CHKA: variants seen among roughly 807,000 people sequenced by gnomAD.
CHKA encodes CHETK-alpha.
In CHKA, 34 loss-of-function variants were observed where a neutral mutation model predicts 60.1. The observed-to-expected ratio is 0.57, with a 90% CI of 0.43 to 0.75. The LOEUF is 0.75. Among genes scored for constraint, CHKA ranks in the 30% least tolerant of loss-of-function variants. The pLI is 0.00. For synonymous variants in CHKA, 217 were observed against 223.1 expected (o/e 0.97, Z 0.24); for missense variants, 563 against 561.3 (o/e 1.00, Z -0.03).
chr11:68,075,231 T>C (rs955690246), intron 3 of CHKA, among the ~76,000 whole-genome samples: 9 of 151,972 alleles, frequency 5.9e-5, no homozygotes, highest in African/African-American at 2.2e-4. Flanking sequence ...TTTGGTTGAG[T>C]GTGTCTAGTT....
intron 1 of CHKA, among the ~76,000 whole-genome samples, chr11:68,105,673 A>C (rs1381298629): frequency 6.6e-6 from 1 of 152,162 alleles, no homozygotes; most frequent in African/African-American, 2.4e-5. Context: ...CCGCTGAATG[A>C]ATGCTTAGGC....
At chr11:68,066,587 A>G in intron 7 of CHKA, 71 bp from the exon 8 acceptor site, 1 of 1,189,282 alleles carries the variant, frequency 8.4e-7, no homozygotes, top group Non-Finnish European at 1.3e-6. Flanking sequence ...AGCAGAGCCG[A>G]GAGAATGGAT....
In CHKA at chr11:68,071,364, G is replaced by A. The variant is rs1483731779; in HGVS notation, c.631-507C>T. ...GGGCCGTCTCCAGCTGCTCCCAGTGGTGGTGTCAGCACCTGGCCTGGCACA... is the reference window on the plus strand; with the variant it reads ...GGGCCGTCTCCAGCTGCTCCCAGTGATGGTGTCAGCACCTGGCCTGGCACA... On this transcript the variant is annotated intron_variant, in intron 4 of 11. Transcript: ENST00000265689. Among the ~76,000 whole-genome samples, 4 of 152,198 alleles carry A rather than the reference G, an allele frequency of 2.6e-5. No homozygotes were observed. In the East Asian group the frequency reaches 5.8e-4, roughly 22 times the overall value.
intron 1 of CHKA, among the ~76,000 whole-genome samples, chr11:68,109,463 G>T (rs554276279): frequency 6.6e-6 from 1 of 152,240 alleles, no homozygotes; most frequent in South Asian, 2.1e-4. Context: ...TTTTGCCAGT[G>T]TCTAACCTGT....
chr11:68,113,392 T>C (rs1858253398), intron 1 of CHKA, among the ~76,000 whole-genome samples: 1 of 151,952 alleles, frequency 6.6e-6, no homozygotes, highest in Non-Finnish European at 1.5e-5. Context: ...CATTAGAAAG[T>C]TGCAAATTAA....
intron 1 of CHKA, among the ~76,000 whole-genome samples, chr11:68,116,755 A>T (rs1327924590): frequency 6.6e-6 from 1 of 152,096 alleles, no homozygotes; most frequent in African/African-American, 2.4e-5. Context: ...TGCTAATAAC[A>T]TACTATTGAT....
chr11:68,089,735 T>A (rs1245228596), intron 2 of CHKA: 1 of 152,202 alleles, frequency 6.6e-6, no homozygotes, highest in Admixed American at 6.5e-5. Flanking sequence ...ACTTTCTTTT[T>A]TAAAAGCAAT....
chr11:68,069,058 T>C, intron 6 of CHKA, 121 bp from the exon 7 acceptor site: 2 of 673,766 alleles, frequency 3.0e-6, no homozygotes, highest in Non-Finnish European at 5.3e-6. Flanking sequence ...TTCAGAGTAG[T>C]ATCTGTGATG....
chr11:68,081,447 T>C lies in CHKA; in HGVS notation c.473A>G (p.Asn158Ser), dbSNP rs762023648. 1.4e-5 allele frequency: 23 copies of C among 1,613,024 alleles called. No individual in the cohort carries two copies. In the East Asian group the frequency reaches 5.1e-4, roughly 36 times the overall value. ...YGAILQMRSC[N>S]KEGSEQAQKE... is the part of the protein sequence containing the mutation. ...CTGAGCTTGTTCGGATCCCTCTTTA[T>C]TACAGGACCTCTATGAATGAGAAAA... The change falls in exon 3 of 12, where the codon AAT becomes AGT. Residue 158 changes from asparagine to serine, a missense_variant. Asn to Ser is a conservative substitution (Grantham distance 46). Coordinates refer to ENST00000265689, the MANE Select transcript of CHKA (RefSeq NM_001277.3).
At chr11:68,066,006 T>C (rs1590838294) in intron 8 of CHKA, 112 bp from the exon 9 acceptor site, 17 of 688,720 alleles carry the variant, frequency 2.5e-5, no homozygotes, top group Non-Finnish European at 3.7e-5. Flanking sequence ...CCTGTTGCCA[T>C]CTGGACTTGC....
chr11:68,067,105 C>T (rs889620698), intron 7 of CHKA, among the ~76,000 whole-genome samples: 3 of 152,212 alleles, frequency 2.0e-5, no homozygotes, highest in African/African-American at 7.2e-5. Flanking sequence ...GTTGGTCAGC[C>T]ATCAGCCTGG....
chr11:68,083,447 T>C (rs1247605413), intron 2 of CHKA, among the ~76,000 whole-genome samples: 1 of 152,216 alleles, frequency 6.6e-6, no homozygotes, highest in African/African-American at 2.4e-5. Flanking sequence ...TAGATACTCT[T>C]CTGAAATTGT....
chr11:68,065,690 G>C, intron 9 of CHKA, 96 bp downstream of exon 9: 1 of 847,208 alleles, frequency 1.2e-6, no homozygotes, highest in South Asian at 1.5e-5. Context: ...AACAGAGTGA[G>C]ACCCTGCCTC....
chr11:68,054,850 C>T (rs977146199), intron 11 of CHKA, among the ~76,000 whole-genome samples: 10 of 152,174 alleles, frequency 6.6e-5, no homozygotes, highest in African/African-American at 2.2e-4. Context: ...AGGCAGCCAC[C>T]GACTCAATAT....
At chr11:68,118,443 A>G (rs934951032) in intron 1 of CHKA, among the ~76,000 whole-genome samples, 2 of 152,040 alleles carry the variant, frequency 1.3e-5, no homozygotes, top group African/African-American at 4.8e-5. Flanking sequence ...CCTGTCTCCA[A>G]AAAAAAACCA....
chr11:68,055,593 G>A (rs915878837), intron 11 of CHKA, among the ~76,000 whole-genome samples: 2 of 152,212 alleles, frequency 1.3e-5, no homozygotes, highest in African/African-American at 2.4e-5. Context: ...ATTTGGGACC[G>A]TCAGTTCTTT....
chr11:68,107,110 G>A (rs1249478757), intron 1 of CHKA, among the ~76,000 whole-genome samples: 2 of 151,988 alleles, frequency 1.3e-5, no homozygotes, highest in Admixed American at 6.6e-5. Context: ...AAATTAGCCG[G>A]GCGCAGTGGC....
chr11:68,088,159 C>CAA (rs1466426260), intron 2 of CHKA, among the ~76,000 whole-genome samples: 1 of 148,510 alleles, frequency 6.7e-6, no homozygotes, highest in Admixed American at 6.7e-5. Context: ...TAGCTAGACT[C>CAA]AGTTTCCTCA....
chr11:68,074,628 C>T, intron 4 of CHKA, 89 bp downstream of exon 4: 1 of 1,098,890 alleles, frequency 9.1e-7, no homozygotes, highest in South Asian at 1.2e-5. Flanking sequence ...AGTGAAAACA[C>T]AGCATTGCAG....
Sources: allele counts gnomAD v4.1 joint callset (sites outside exome capture counted in the v4.1 genomes callset), GRCh38; gene constraint gnomAD v4.1.1; transcripts MANE v1.5; gene names NCBI Gene and HGNC (gene_info 2026-07-23, HGNC 2026-07-21).